Variants in CDH7 observed in about 807,000 individuals in gnomAD.
CDH7 encodes cadherin 7, also known as cadherin-7.
CDH7 carries 25 observed loss-of-function variants against 71.8 expected under a neutral mutation model. That is an observed-to-expected ratio of 0.35 (90% confidence interval 0.25 to 0.49). The LOEUF is 0.49. Among genes scored for constraint, CDH7 ranks in the 20% least tolerant of loss-of-function variants. CDH7 has a pLI of 0.99. For synonymous variants in CDH7, 381 were observed against 363.8 expected, an observed-to-expected ratio of 1.05 and a Z score of -0.54; for missense variants, 862 against 974.6, an observed-to-expected ratio of 0.88 and a Z score of 1.54.
Position 65,762,872 on chromosome 18 carries a change from T to A in CDH7, c.30T>A (p.His10Gln). The change falls in exon 2 of 12, where the codon CAT becomes CAA. Residue 10 changes from histidine to glutamine, a missense_variant. Physicochemically the swap from His to Gln is conservative, Grantham distance 24 (BLOSUM62 0). Coordinates refer to ENST00000397968, the MANE Select transcript of CDH7 (RefSeq NM_004361.5). ...AGTTGGGCAAAGTGGAGTTCTGCCA[T>A]TTTCTGCAGCTAATAGCTCTTTTCC... MKLGKVEFC[H>Q]FLQLIALFLC... The A allele has an allele frequency of 6.2e-7, 1 of 1,612,812 alleles. No homozygotes were observed.
chr18:65,761,331 T>A (rs2143784458), intron 1 of CDH7, among the ~76,000 whole-genome samples: 1 of 148,412 alleles, frequency 6.7e-6, no homozygotes, highest in South Asian at 2.2e-4. Context: ...TGTATATATT[T>A]GTTTCACATT....
chr18:65,838,198 G>A (rs1488227219), intron 6 of CDH7, among the ~76,000 whole-genome samples: 1 of 152,060 alleles, frequency 6.6e-6, no homozygotes. Flanking sequence ...GGAATTACAG[G>A]CATAAGCCAC....
intron 6 of CDH7, among the ~76,000 whole-genome samples, chr18:65,842,457 C>A (rs925572442): frequency 7.3e-5 from 11 of 151,058 alleles, no homozygotes; most frequent in Non-Finnish European, 1.5e-4. Flanking sequence ...TATTTGTGTG[C>A]AAACATATAT....
intron 10 of CDH7, among the ~76,000 whole-genome samples, chr18:65,860,920 A>T (rs1913541741): frequency 6.6e-6 from 1 of 152,180 alleles, no homozygotes; most frequent in Non-Finnish European, 1.5e-5. Flanking sequence ...GTAATATAGA[A>T]GGTAGAGCAT....
Position 65,880,799 on chromosome 18 carries a change from T to G in CDH7, c.2263T>G (p.Ser755Ala). The change falls in exon 12 of 12, where the codon TCT (serine) becomes GCT (alanine). Residue 755 changes from serine to alanine, a missense_variant. By Grantham distance (99) the Ser-to-Ala change is moderately conservative. Coordinates refer to ENST00000397968, the MANE Select transcript of CDH7 (RefSeq NM_004361.5). Reference protein sequence around the residue: ...LSSLDSISSNSDQNYDYLSDW... With the variant: ...LSSLDSISSNADQNYDYLSDW... The stretch of plus-strand genomic sequence containing the variant: ...CTCTTTAGATTCCATCAGCTCAAAC[T>G]CTGATCAGAACTATGACTACCTAAG... The G allele has an allele frequency of 6.2e-7, 1 of 1,614,128 alleles. No individual in the cohort carries two copies. The highest frequency in any genetic ancestry group is 8.5e-7 in the Non-Finnish European group (1 of 1,180,008).
rs1912062295 is a variant in CDH7 at position 65,824,703 on chromosome 18, A to C, written c.853A>C (p.Lys285Gln). 1 of 1,612,418 alleles carries C rather than the reference A, an allele frequency of 6.2e-7. No individual in the cohort carries two copies. Among genetic ancestry groups the C allele is most frequent in the African/African-American group, 1.3e-5 (1 of 74,854 alleles). ...LPVASVVARI[K>Q]AADADIGANA... ...TGTAGCCTCAGTTGTGGCCAGAATTAAAGCTGCTGATGCAGATATTGGAGC... is the reference window on the plus strand; with the variant it reads ...TGTAGCCTCAGTTGTGGCCAGAATTCAAGCTGCTGATGCAGATATTGGAGC... The change falls in exon 6 of 12, where the codon AAA becomes CAA. Residue 285 changes from lysine to glutamine, a missense_variant. Transcript: ENST00000397968.
At chr18:65,862,618 T>A (rs1268512343) in intron 10 of CDH7, 48 bp from the exon 11 acceptor site, 1 of 1,583,036 alleles carries the variant, frequency 6.3e-7, no homozygotes, top group South Asian at 1.1e-5. Context: ...TTGGGAAGAC[T>A]GATTCCATCA....
rs183411357 is a variant in CDH7, at chr18:65,866,415, T to C, written c.1864+3498T>C. The C allele has an allele frequency of 7.8e-4, 117 of 150,214 alleles. 2 individuals are homozygous for C. Among genetic ancestry groups the C allele is most frequent in the African/African-American group, 2.8e-3 (113 of 40,838 alleles). The allele number at this position is 150,214 out of a possible 1,614,324, so 9.3% of individuals were successfully genotyped here. A position where few individuals can be genotyped will look rare whatever the true frequency, so the allele number is the denominator to read the frequency against. On this transcript the variant is annotated intron_variant, in intron 11 of 11. Coordinates refer to ENST00000397968, the MANE Select transcript of CDH7 (RefSeq NM_004361.5). ...AAAAAAAAAGGTACTTGACTACATGTTAAGTTTGTGTTCCAGTGATGTGAC... is the reference window on the plus strand; with the variant it reads ...AAAAAAAAAGGTACTTGACTACATGCTAAGTTTGTGTTCCAGTGATGTGAC...
chr18:65,859,039 CG>C lies in CDH7; in HGVS notation c.1491del (p.Gln498ArgfsTer24), dbSNP rs748321894. 1 of 1,613,330 alleles carries C rather than the reference CG, an allele frequency of 6.2e-7. No individual in the cohort carries two copies. Among genetic ancestry groups the C allele is most frequent in the South Asian group, 1.1e-5 (1 of 91,054 alleles). The stretch of plus-strand genomic sequence containing the variant: ...ACCACCGTCTGTGAAAATGCCCAGC[CG>C]GGGCAGGTAAGAGTCTTCAGAACAC... ...YETTVCENAQ[P>X]GQVIQKISAV... is the part of the protein sequence containing the mutation. On this transcript the variant is annotated frameshift_variant, in exon 9 of 12. Transcript: ENST00000397968. LOFTEE classifies it high-confidence loss of function.
chr18:65,848,220 G>A (rs1490886707), intron 7 of CDH7, among the ~76,000 whole-genome samples: 2 of 152,140 alleles, frequency 1.3e-5, no homozygotes, highest in African/African-American at 2.4e-5. Flanking sequence ...CTAGAGTCTA[G>A]AGGATTTGAC....
intron 2 of CDH7, among the ~76,000 whole-genome samples, chr18:65,806,013 A>G (rs890174041): frequency 6.6e-6 from 1 of 152,176 alleles, no homozygotes. Flanking sequence ...CTCAGATACA[A>G]TAGACTCATG....
chr18:65,804,575 G>A (rs1054132530), intron 2 of CDH7, among the ~76,000 whole-genome samples: 1 of 152,052 alleles, frequency 6.6e-6, no homozygotes, highest in South Asian at 2.1e-4. Flanking sequence ...GCAGTGCATT[G>A]CTCTTTTAGT....
chr18:65,799,266 G>A (rs911054324), intron 2 of CDH7, among the ~76,000 whole-genome samples: 6 of 152,052 alleles, frequency 3.9e-5, no homozygotes, highest in African/African-American at 1.4e-4. Flanking sequence ...CTGGTCCCTT[G>A]GTGCCAGGAG....
intron 6 of CDH7, among the ~76,000 whole-genome samples, chr18:65,829,358 T>C (rs974593708): frequency 6.6e-6 from 1 of 151,764 alleles, no homozygotes; most frequent in Non-Finnish European, 1.5e-5. Flanking sequence ...GAACTTGTGA[T>C]CCGCCCGCCT....
chr18:65,841,842 TCA>T (rs1287344908), intron 6 of CDH7, among the ~76,000 whole-genome samples: 2 of 152,096 alleles, frequency 1.3e-5, no homozygotes, highest in African/African-American at 4.8e-5. Flanking sequence ...GTTCTCATTC[TCA>T]CCTTTTTTTG....
At chr18:65,860,087 A>C (rs1245812543) in intron 10 of CDH7, among the ~76,000 whole-genome samples, 1 of 152,160 alleles carries the variant, frequency 6.6e-6, no homozygotes, top group Non-Finnish European at 1.5e-5. Context: ...TCGTTTTCTT[A>C]TTTGTATACC....
At chr18:65,776,860 T>A (rs920718260) in intron 2 of CDH7, among the ~76,000 whole-genome samples, 5 of 152,220 alleles carry the variant, frequency 3.3e-5, no homozygotes, top group African/African-American at 1.2e-4. Flanking sequence ...TTTAGAATGG[T>A]GAAATTCTGA....
At chr18:65,775,482 A>G (rs1909904372) in intron 2 of CDH7, among the ~76,000 whole-genome samples, 1 of 152,162 alleles carries the variant, frequency 6.6e-6, no homozygotes, top group Admixed American at 6.6e-5. Flanking sequence ...TTTGCATTCA[A>G]TTGCTACTTT....
intron 2 of CDH7, among the ~76,000 whole-genome samples, chr18:65,790,698 G>A (rs981443890): frequency 1.8e-4 from 28 of 152,212 alleles, no homozygotes; most frequent in African/African-American, 5.3e-4. Context: ...GTGAAATCCT[G>A]TCTTTAATAA....
Sources: gnomAD v4.1 joint callset for allele counts (sites outside exome capture counted in the v4.1 genomes callset) on GRCh38, gnomAD v4.1.1 for gene constraint, MANE v1.5 for transcripts, NCBI Gene and HGNC (gene_info 2026-07-23, HGNC 2026-07-21) for gene names.